MAP3K5: variants seen among roughly 807,000 people sequenced by gnomAD.
The protein encoded by MAP3K5 is mitogen-activated protein kinase kinase kinase 5, also known as ASK-1.
A neutral mutation model predicts 158.7 loss-of-function variants in MAP3K5; 56 were observed. The observed-to-expected ratio is 0.35, with a 90% CI of 0.28 to 0.44. MAP3K5 has a LOEUF of 0.44. Ranked by LOEUF, MAP3K5 falls within the 20% of genes least tolerant of loss-of-function variation. MAP3K5 has a pLI of 1.00. For synonymous variants in MAP3K5, 579 were observed against 601.7 expected (o/e 0.96, Z 0.55); for missense variants, 1,294 against 1,674.8 (o/e 0.77, Z 3.97).
At chr6:136,785,251 G>C (rs901827024) in intron 1 of MAP3K5, among the ~76,000 whole-genome samples, 9 of 152,222 alleles carry the variant, frequency 5.9e-5, no homozygotes, top group African/African-American at 2.2e-4. Flanking sequence ...CCAAAGCCTG[G>C]CAAGGTCAGA....
At chr6:136,601,330 GC>G (rs534373936) in intron 20 of MAP3K5, among the ~76,000 whole-genome samples, 36 of 150,804 alleles carry the variant, frequency 2.4e-4, no homozygotes, top group Admixed American at 4.0e-4. Context: ...TTTCCTTCTT[GC>G]CTTTTTTTGG....
chr6:136,762,239 CAG>C (rs764795614), intron 1 of MAP3K5, among the ~76,000 whole-genome samples: 2 of 151,780 alleles, frequency 1.3e-5, no homozygotes, highest in Non-Finnish European at 2.9e-5. Context: ...AGAGAAGAGA[CAG>C]AGAGGTAAAT....
At chr6:136,660,232 A>C (rs1441659722) in intron 8 of MAP3K5, among the ~76,000 whole-genome samples, 1 of 152,184 alleles carries the variant, frequency 6.6e-6, no homozygotes, top group Non-Finnish European at 1.5e-5. Context: ...TTAGACACAA[A>C]AATTATACAC....
intron 5 of MAP3K5, among the ~76,000 whole-genome samples, chr6:136,696,988 A>T (rs1169509531): frequency 6.6e-6 from 1 of 152,222 alleles, no homozygotes; most frequent in Non-Finnish European, 1.5e-5. Flanking sequence ...GTTCTTTTGG[A>T]GGAAAAAGTC....
intron 2 of MAP3K5, among the ~76,000 whole-genome samples, chr6:136,716,964 C>T (rs1404720981): frequency 6.6e-6 from 1 of 152,102 alleles, no homozygotes; most frequent in African/African-American, 2.4e-5. Flanking sequence ...TCAAGACCAG[C>T]CTGGCCAACA....
At position 136,698,686 on chromosome 6, in the gene MAP3K5, C is replaced by T. The variant is rs535660475; in HGVS notation, c.613-4G>A. 4.1e-5 allele frequency: 65 copies of T among 1,604,032 alleles called. No individual in the cohort carries two copies. The highest frequency in any genetic ancestry group is 3.5e-4 in the South Asian group (32 of 90,622). On this transcript the variant is annotated splice_region_variant and splice_polypyrimidine_tract_variant and intron_variant, in intron 3 of 29. Transcript: ENST00000359015. Reference sequence around the variant, plus strand: ...AGGTGTAGTTCCCAGTGCACATCTGCGGAGAGAGGAGGCATCGGCAAGTGG... The same window carrying T: ...AGGTGTAGTTCCCAGTGCACATCTGTGGAGAGAGGAGGCATCGGCAAGTGG...
chr6:136,628,989 A>C (rs779222650), intron 14 of MAP3K5, among the ~76,000 whole-genome samples: 8 of 152,242 alleles, frequency 5.3e-5, no homozygotes, highest in Non-Finnish European at 8.8e-5. Context: ...TACATTGCTT[A>C]TATATTTTGC....
intron 1 of MAP3K5, among the ~76,000 whole-genome samples, chr6:136,744,107 G>T (rs1350970297): frequency 6.6e-6 from 1 of 152,062 alleles, no homozygotes; most frequent in Non-Finnish European, 1.5e-5. Context: ...TTATACATTT[G>T]TCCAAACCCA....
chr6:136,690,833 T>C (rs1199316087), intron 7 of MAP3K5, among the ~76,000 whole-genome samples: 1 of 152,130 alleles, frequency 6.6e-6, no homozygotes, highest in Non-Finnish European at 1.5e-5. Flanking sequence ...CCATTTGGTT[T>C]TATTTCCCTT....
At chr6:136,575,666 CT>C (rs200264191) in intron 25 of MAP3K5, among the ~76,000 whole-genome samples, 2,013 of 152,172 alleles carry the variant, frequency 0.013, 21 homozygotes, top group Non-Finnish European at 0.018. Flanking sequence ...TGTACAATGT[CT>C]TTTATTTGAG....
chr6:136,562,826 A>T (rs1830575128), intron 26 of MAP3K5, among the ~76,000 whole-genome samples: 1 of 143,910 alleles, frequency 6.9e-6, no homozygotes, highest in Admixed American at 7.1e-5. Context: ...ATGCACCACC[A>T]TGCCTGGCTA....
At chr6:136,770,450 A>G (rs534655577) in intron 1 of MAP3K5, among the ~76,000 whole-genome samples, 2 of 152,362 alleles carry the variant, frequency 1.3e-5, no homozygotes, top group African/African-American at 4.8e-5. Context: ...TTAAGTTTAT[A>G]AATTTCACTT....
chr6:136,650,477 G>A (rs1778470511), intron 11 of MAP3K5, among the ~76,000 whole-genome samples: 1 of 152,220 alleles, frequency 6.6e-6, no homozygotes. Context: ...AAAATAGGTG[G>A]TCGCACAGCC....
intron 17 of MAP3K5, among the ~76,000 whole-genome samples, chr6:136,612,802 C>T (rs540646673): frequency 2.6e-5 from 4 of 152,260 alleles, no homozygotes; most frequent in South Asian, 4.1e-4. Context: ...CTATAAGCTC[C>T]TCAGGACCAG....
intron 18 of MAP3K5, among the ~76,000 whole-genome samples, chr6:136,607,515 G>T (rs1481795498): frequency 6.6e-6 from 1 of 152,166 alleles, no homozygotes; most frequent in South Asian, 2.1e-4. Context: ...TACGAAGCTG[G>T]ATAATGAAGA....
At chr6:136,746,292 G>GT (rs1361666281) in intron 1 of MAP3K5, among the ~76,000 whole-genome samples, 1 of 151,888 alleles carries the variant, frequency 6.6e-6, no homozygotes, top group African/African-American at 2.4e-5. Flanking sequence ...TTTTGAGGGG[G>GT]GGGCAGGAAA....
chr6:136,689,576 C>T (rs1780300977), intron 7 of MAP3K5, among the ~76,000 whole-genome samples: 1 of 152,138 alleles, frequency 6.6e-6, no homozygotes, highest in Non-Finnish European at 1.5e-5. Context: ...TGAAAGGCCA[C>T]GAGGGCTCTG....
Position 136,651,072 on chromosome 6 carries a change from G to T in MAP3K5, c.1700C>A (p.Thr567Asn). The T allele has an allele frequency of 6.2e-7, 1 of 1,604,116 alleles. No homozygotes were observed. The highest frequency in any genetic ancestry group is 8.5e-7 in the Non-Finnish European group (1 of 1,172,438). Residue 567 changes from threonine to asparagine, a missense_variant, in exon 11 of 30, where the codon ACC becomes AAC. By Grantham distance (65) the Thr-to-Asn change is moderately conservative. Coordinates refer to ENST00000359015, the MANE Select transcript of MAP3K5 (RefSeq NM_005923.4). ...CAAATAAGAAGGTTGATAGATTTTG[G>T]TTGGTTCTAATATTAATACCTTGAA... Reference protein sequence around the residue: ...VRFPVLILEPTKIYQPSYLSI... With the variant: ...VRFPVLILEPNKIYQPSYLSI...
At chr6:136,774,369 G>A (rs1038232452) in intron 1 of MAP3K5, among the ~76,000 whole-genome samples, 1 of 152,104 alleles carries the variant, frequency 6.6e-6, no homozygotes, top group African/African-American at 2.4e-5. Flanking sequence ...TGGGAGGATC[G>A]CCTGAGCCCA....
Sources: gnomAD v4.1 joint callset for allele counts (sites outside exome capture counted in the v4.1 genomes callset) on GRCh38, gnomAD v4.1.1 for gene constraint, MANE v1.5 for transcripts, NCBI Gene and HGNC (gene_info 2026-07-23, HGNC 2026-07-21) for gene names.